The following CTNNA2 variants were observed in gnomAD, a reference collection of about 807,000 sequenced individuals.
CTNNA2 encodes the protein catenin alpha 2, also known as catenin alpha-2.
In CTNNA2, 42 loss-of-function variants were observed where a neutral mutation model predicts 101.0. The observed-to-expected ratio is 0.42, with a 90% CI of 0.32 to 0.54. The LOEUF (loss-of-function observed/expected upper bound fraction) is 0.54. Ranked by LOEUF, CTNNA2 falls within the 20% of genes least tolerant of loss-of-function variation. The probability of loss-of-function intolerance (pLI) is 0.14; values close to 1 mark genes in which losing one functional copy is unlikely to be tolerated. For missense variants in CTNNA2, 871 were observed against 1,223.1 expected, an observed-to-expected ratio of 0.71 and a Z score of 4.29; for synonymous variants, 450 against 456.4, an observed-to-expected ratio of 0.99 and a Z score of 0.18.
chr2:80,455,295 A>G (rs1683869402), intron 9 of CTNNA2, among the ~76,000 whole-genome samples: 1 of 152,220 alleles, frequency 6.6e-6, no homozygotes, highest in Non-Finnish European at 1.5e-5. Flanking sequence ...AGGCAGGAAG[A>G]AAGACATAAA....
chr2:79,211,896 G>A (rs185878764), intron 2 of CTNNA2, among the ~76,000 whole-genome samples: 133 of 152,298 alleles, frequency 8.7e-4, no homozygotes, highest in African/African-American at 2.5e-3. Context: ...TAGGGGCGGC[G>A]CGGGAACCTA....
chr2:79,845,172 CTTTT>C (rs59627246), intron 3 of CTNNA2, among the ~76,000 whole-genome samples: 116 of 104,164 alleles, frequency 1.1e-3, no homozygotes, highest in East Asian at 5.0e-3. Context: ...AACACAGCTG[CTTTT>C]TTTTTTTTTT....
Position 80,164,944 on chromosome 2 carries a change from T to G in CTNNA2, c.1057-228267T>G, listed in dbSNP as rs551933935. On this transcript the variant is annotated intron_variant, in intron 7 of 18. Transcript: ENST00000402739. ...ACAGCTTTTCCCAACTTTTGGTTTTTTTTTTTTTTTTTTCTAGATAAGACT... is the reference window on the plus strand; with the variant it reads ...ACAGCTTTTCCCAACTTTTGGTTTTGTTTTTTTTTTTTTCTAGATAAGACT... Among the ~76,000 whole-genome samples, 510 of 139,362 alleles carry G rather than the reference T, an allele frequency of 3.7e-3. 4 individuals carry two copies. Among genetic ancestry groups the G allele is most frequent in the Middle Eastern group, 7.0e-3 (2 of 286 alleles). The allele number at this position is 139,362 out of a possible 152,430, so 91.4% of individuals were successfully genotyped here. A position where few individuals can be genotyped will look rare whatever the true frequency, so the allele number is the denominator to read the frequency against.
chr2:79,493,130 T>G (rs1671220598), intron 4 of CTNNA2, among the ~76,000 whole-genome samples: 1 of 152,000 alleles, frequency 6.6e-6, no homozygotes, highest in South Asian at 2.1e-4. Context: ...CAAGGATAAC[T>G]GCTCTTTCCA....
chr2:79,597,189 C>T (rs1243241603), intron 1 of CTNNA2, among the ~76,000 whole-genome samples: 1 of 152,086 alleles, frequency 6.6e-6, no homozygotes, highest in East Asian at 1.9e-4. Context: ...TTAGCTGCCC[C>T]CGTCCGGGCG....
At chr2:79,332,685 T>C (rs1362842033) in intron 3 of CTNNA2, among the ~76,000 whole-genome samples, 2 of 152,234 alleles carry the variant, frequency 1.3e-5, no homozygotes, top group Admixed American at 1.3e-4. Flanking sequence ...TTTTGTTTTT[T>C]AATTCATTTG....
chr2:79,494,996 A>G (rs142936760), intron 4 of CTNNA2, among the ~76,000 whole-genome samples: 3,006 of 152,040 alleles, frequency 0.02, 120 homozygotes, highest in East Asian at 0.15. Context: ...CCAGCTACTT[A>G]GGAGGCTGAG....
At chr2:79,408,187 A>G (rs1456190803) in intron 4 of CTNNA2, among the ~76,000 whole-genome samples, 1 of 151,966 alleles carries the variant, frequency 6.6e-6, no homozygotes, top group African/African-American at 2.4e-5. Context: ...ATTCTAAAAC[A>G]TCCACTTCTT....
chr2:80,037,089 T>C (rs1397336494), intron 7 of CTNNA2, among the ~76,000 whole-genome samples: 1 of 152,172 alleles, frequency 6.6e-6, no homozygotes, highest in African/African-American at 2.4e-5. Context: ...AAGATACGAA[T>C]ATGAGGACCT....
chr2:79,310,857 T>C (rs1443164516), intron 2 of CTNNA2, among the ~76,000 whole-genome samples: 1 of 152,198 alleles, frequency 6.6e-6, no homozygotes, highest in African/African-American at 2.4e-5. Context: ...CTGAATAACA[T>C]AATTGTTCTT....
chr2:80,626,226 A>T (rs1671670392), intron 18 of CTNNA2, among the ~76,000 whole-genome samples: 1 of 152,138 alleles, frequency 6.6e-6, no homozygotes, highest in Admixed American at 6.6e-5. Context: ...TTTCTCTCTC[A>T]CATGGAATAC....
chr2:79,298,755 G>A lies in CTNNA2; in HGVS notation c.-405-13954G>A, dbSNP rs192690653. ...TCCAGAGCTGCAAATCTGTCTGCCC[G>A]CTGGGCATTCCACTTGAACATTCTC... is the stretch of plus-strand genomic sequence containing the variant. On this transcript the variant is annotated intron_variant, in intron 2 of 21. Transcript: ENST00000466387. Among the ~76,000 whole-genome samples, 29 of 152,274 alleles carry A rather than the reference G, an allele frequency of 1.9e-4. No homozygotes were observed. In the East Asian group the frequency reaches 3.3e-3, roughly 17 times the overall value.
intron 2 of CTNNA2, among the ~76,000 whole-genome samples, chr2:79,209,422 C>G (rs1001525712): frequency 1.3e-5 from 2 of 152,168 alleles, no homozygotes; most frequent in African/African-American, 4.8e-5. Context: ...ACTTTCTTTA[C>G]TCGATACATA....
chr2:79,348,384 C>T (rs1371928114), intron 3 of CTNNA2, among the ~76,000 whole-genome samples: 4 of 152,148 alleles, frequency 2.6e-5, no homozygotes, highest in African/African-American at 9.7e-5. Context: ...GATCTCAGTA[C>T]CTGGTTCTAG....
At chr2:79,548,146 G>A (rs1286662565) in intron 1 of CTNNA2, 3 of 152,160 alleles carry the variant, frequency 2.0e-5, no homozygotes, top group Admixed American at 6.5e-5. Flanking sequence ...GTTTATTACT[G>A]TTACTGACAT....
At chr2:80,468,633 G>A (rs2149482608) in intron 9 of CTNNA2, among the ~76,000 whole-genome samples, 1 of 152,266 alleles carries the variant, frequency 6.6e-6, no homozygotes, top group African/African-American at 2.4e-5. Flanking sequence ...GGCCAGGCTG[G>A]TCTTGAACTC....
intron 17 of CTNNA2, among the ~76,000 whole-genome samples, chr2:80,612,104 C>T (rs1419282031): frequency 6.6e-6 from 1 of 151,438 alleles, no homozygotes; most frequent in African/African-American, 2.4e-5. Flanking sequence ...TACTTTTGTT[C>T]TTTGCCATTT....
chr2:79,843,529 C>T (rs1198035136), intron 3 of CTNNA2, among the ~76,000 whole-genome samples: 4 of 152,210 alleles, frequency 2.6e-5, no homozygotes, highest in Admixed American at 6.5e-5. Context: ...TCTTCCTTCA[C>T]GGCCCTAAAT....
intron 3 of CTNNA2, among the ~76,000 whole-genome samples, chr2:79,783,293 C>T (rs67360479): frequency 0.026 from 3,954 of 152,170 alleles, 149 homozygotes; most frequent in African/African-American, 0.079. Flanking sequence ...TGTGACTCAA[C>T]CAATGGCAAT....
Sources: gnomAD v4.1 joint callset for allele counts (sites outside exome capture counted in the v4.1 genomes callset) on GRCh38, gnomAD v4.1.1 for gene constraint, MANE v1.5 for transcripts, NCBI Gene and HGNC (gene_info 2026-07-23, HGNC 2026-07-21) for gene names.